The following WWOX variants were observed in gnomAD, a reference collection of about 807,000 sequenced individuals.
The protein encoded by WWOX is WW domain containing oxidoreductase.
Under a neutral mutation model 46.2 loss-of-function variants are expected in WWOX, and 69 were observed. The observed-to-expected ratio is 1.49, with a 90% CI of 1.23 to 1.82. The LOEUF is 1.82. WWOX is among the 40% of genes most tolerant of loss of function. The pLI is 0.00. For synonymous variants in WWOX, 359 were observed against 202.6 expected, an observed-to-expected ratio of 1.77 and a Z score of -6.56; for missense variants, 919 against 542.6, an observed-to-expected ratio of 1.69 and a Z score of -6.89.
chr16:78,189,103 C>G (rs946440243), intron 5 of WWOX, among the ~76,000 whole-genome samples: 1 of 152,134 alleles, frequency 6.6e-6, no homozygotes, highest in African/African-American at 2.4e-5. Flanking sequence ...TGCAGCTCAT[C>G]TGGAGGGTAG....
intron 8 of WWOX, among the ~76,000 whole-genome samples, chr16:78,793,548 G>T (rs543306503): frequency 1.6e-4 from 25 of 152,118 alleles, no homozygotes; most frequent in African/African-American, 3.1e-4. Context: ...ATGATTAAAT[G>T]ATTCTGGTTA....
At chr16:78,946,060 A>G (rs990690070) in intron 8 of WWOX, among the ~76,000 whole-genome samples, 1 of 152,202 alleles carries the variant, frequency 6.6e-6, no homozygotes, top group Non-Finnish European at 1.5e-5. Flanking sequence ...CTCTAGAAAC[A>G]TACCACGATC....
intron 8 of WWOX, among the ~76,000 whole-genome samples, chr16:78,555,221 A>G (rs1307096401): frequency 6.7e-6 from 1 of 150,054 alleles, no homozygotes; most frequent in Admixed American, 6.7e-5. Context: ...CATTGGAGGC[A>G]TGTGTATATT....
At chr16:78,901,878 T>C (rs1418580212) in intron 8 of WWOX, among the ~76,000 whole-genome samples, 1 of 152,184 alleles carries the variant, frequency 6.6e-6, no homozygotes, top group Non-Finnish European at 1.5e-5. Flanking sequence ...CACGGGCCTC[T>C]CCTACAAATC....
intron 8 of WWOX, among the ~76,000 whole-genome samples, chr16:78,816,604 T>A (rs888445506): frequency 6.7e-6 from 1 of 149,926 alleles, no homozygotes; most frequent in African/African-American, 2.5e-5. Flanking sequence ...ATCTTTTGGG[T>A]ACTGAGTTGT....
chr16:78,321,071 A>T (rs1303452608), intron 5 of WWOX, among the ~76,000 whole-genome samples: 1 of 152,110 alleles, frequency 6.6e-6, no homozygotes, highest in African/African-American at 2.4e-5. Flanking sequence ...AGTGCTGCTA[A>T]AAACAGCCTG....
At chr16:78,587,192 ACTTTTTT>A (rs2045228783) in intron 8 of WWOX, among the ~76,000 whole-genome samples, 1 of 108,318 alleles carries the variant, frequency 9.2e-6, no homozygotes, top group Non-Finnish European at 1.7e-5. Context: ...TGCCTGGCTA[ACTTTTTT>A]TTTTTTTTTT....
intron 8 of WWOX, among the ~76,000 whole-genome samples, chr16:78,542,387 G>A (rs2667642): frequency 6.6e-6 from 1 of 152,182 alleles, no homozygotes; most frequent in Non-Finnish European, 1.5e-5. Flanking sequence ...GCAATCAGAA[G>A]AAGACAGAGT....
At chr16:78,167,994 A>T (rs1283557180) in intron 5 of WWOX, 3 of 152,168 alleles carry the variant, frequency 2.0e-5, no homozygotes, top group Non-Finnish European at 4.4e-5. Flanking sequence ...GAGCGTATTC[A>T]TATGTTACCT....
chr16:78,829,334 G>A (rs2051750210), intron 8 of WWOX, among the ~76,000 whole-genome samples: 1 of 152,172 alleles, frequency 6.6e-6, no homozygotes, highest in Non-Finnish European at 1.5e-5. Flanking sequence ...AAGACAGTCA[G>A]GCAAAGAGAG....
chr16:78,541,849 T>A (rs2043904663), intron 8 of WWOX, among the ~76,000 whole-genome samples: 1 of 151,932 alleles, frequency 6.6e-6, no homozygotes, highest in African/African-American at 2.4e-5. Flanking sequence ...GTTTTCTGAT[T>A]TTTGTCTCCT....
intron 8 of WWOX, among the ~76,000 whole-genome samples, chr16:79,019,369 C>G (rs2047485460): frequency 6.6e-6 from 1 of 151,976 alleles, no homozygotes; most frequent in Non-Finnish European, 1.5e-5. Flanking sequence ...GCCTCTTGGT[C>G]TTAGCCTACA....
At chr16:78,998,038 A>C (rs2047023892) in intron 8 of WWOX, among the ~76,000 whole-genome samples, 2 of 151,898 alleles carry the variant, frequency 1.3e-5, no homozygotes, top group South Asian at 4.2e-4. Flanking sequence ...CACCATACCT[A>C]GCTAATTTTG....
intron 8 of WWOX, among the ~76,000 whole-genome samples, chr16:78,859,735 A>G (rs571752358): frequency 2.0e-5 from 3 of 152,330 alleles, no homozygotes; most frequent in South Asian, 4.1e-4. Context: ...CAGCTGGCAA[A>G]CAGAACACTA....
chr16:79,109,828 C>T (rs1354400165), intron 8 of WWOX, among the ~76,000 whole-genome samples: 5 of 152,140 alleles, frequency 3.3e-5, no homozygotes, highest in Non-Finnish European at 7.3e-5. Context: ...ATGATACCTG[C>T]ACAGAAGCAG....
intron 8 of WWOX, among the ~76,000 whole-genome samples, chr16:78,617,112 AGTCTT>A (rs2151638267): frequency 6.6e-6 from 1 of 152,250 alleles, no homozygotes; most frequent in Non-Finnish European, 1.5e-5. Flanking sequence ...TGGTCAGTTT[AGTCTT>A]TAAAAGGTGA....
At chr16:78,605,822 GGTTAA>G (rs1229763957) in intron 8 of WWOX, among the ~76,000 whole-genome samples, 1 of 152,096 alleles carries the variant, frequency 6.6e-6, no homozygotes, top group Non-Finnish European at 1.5e-5. Context: ...CCTTTCCCCT[GGTTAA>G]GTGGAGTGTG....
At chr16:78,754,776 T>C (rs888894241) in intron 8 of WWOX, among the ~76,000 whole-genome samples, 3 of 152,076 alleles carry the variant, frequency 2.0e-5, no homozygotes, top group African/African-American at 7.2e-5. Flanking sequence ...TTTGACAGTG[T>C]GAATGAGATG....
At chr16:79,181,994 C>G (rs1003419443) in intron 8 of WWOX, among the ~76,000 whole-genome samples, 2 of 152,184 alleles carry the variant, frequency 1.3e-5, no homozygotes, top group African/African-American at 4.8e-5. Context: ...TTCTGACAAT[C>G]CCGGGGCAGT....
Sources: gnomAD v4.1 joint callset for allele counts (sites outside exome capture counted in the v4.1 genomes callset) on GRCh38, gnomAD v4.1.1 for gene constraint, MANE v1.5 for transcripts, NCBI Gene and HGNC (gene_info 2026-07-23, HGNC 2026-07-21) for gene names.